CNTLN: variants seen among roughly 807,000 people sequenced by gnomAD.
The protein encoded by CNTLN is centlein, also known as centlein, centrosomal protein.
CNTLN carries 212 observed loss-of-function variants against 180.0 expected under a neutral mutation model. The ratio of observed to expected loss-of-function variants is 1.18; its 90% confidence interval spans 1.05 to 1.32. The LOEUF (loss-of-function observed/expected upper bound fraction) is 1.32, where lower values mean the gene tolerates loss of function less well. CNTLN is among the 40% of genes most tolerant of loss of function. The pLI is 0.00. For missense variants in CNTLN, 2,095 were observed against 1,610.9 expected, an observed-to-expected ratio of 1.30 and a Z score of -5.14; for synonymous variants, 722 against 563.1, an observed-to-expected ratio of 1.28 and a Z score of -3.99.
At chr9:17,487,163 A>G (rs1432147348) in intron 25 of CNTLN, 97 bp downstream of exon 25, 1 of 785,454 alleles carries the variant, frequency 1.3e-6, no homozygotes, top group East Asian at 2.6e-5. Flanking sequence ...ACACTTCCCC[A>G]TTGTTTACTT....
intron 13 of CNTLN, among the ~76,000 whole-genome samples, chr9:17,371,522 C>A (rs7042700): frequency 3.3e-5 from 5 of 152,054 alleles, no homozygotes; most frequent in African/African-American, 4.8e-5. Context: ...ATGATAGCTG[C>A]AGGCTTTAGT....
intron 2 of CNTLN, among the ~76,000 whole-genome samples, chr9:17,178,415 T>C (rs1820874199): frequency 6.6e-6 from 1 of 152,286 alleles, no homozygotes; most frequent in East Asian, 1.9e-4. Context: ...GTGCCCGCAC[T>C]CCTCAGCCCT....
At chr9:17,521,229 T>C in the CNTLN span, among the ~76,000 whole-genome samples, 2 of 143,378 alleles carry the variant, frequency 1.4e-5, no homozygotes, top group African/African-American at 5.2e-5. Context: ...AGGCCCCTTG[T>C]GGTTTAGAAA....
At chr9:17,295,997 A>AGAGAGAGAGTGTGT (rs1342910465) in intron 6 of CNTLN, among the ~76,000 whole-genome samples, 2 of 91,290 alleles carry the variant, frequency 2.2e-5, no homozygotes, top group African/African-American at 1.2e-4. Flanking sequence ...AGAGAGAGAG[A>AGAGAGAGAGTGTGT]GTGTGTGTGT....
At chr9:17,287,862 A>T (rs897559042) in intron 6 of CNTLN, among the ~76,000 whole-genome samples, 86 of 147,634 alleles carry the variant, frequency 5.8e-4, no homozygotes, top group African/African-American at 1.7e-3. Context: ...TATCCCCTTT[A>T]TCATTTTTTA....
At chr9:17,463,405 TTAAAA>T (rs1392351269) in intron 20 of CNTLN, among the ~76,000 whole-genome samples, 2 of 151,608 alleles carry the variant, frequency 1.3e-5, no homozygotes, top group Non-Finnish European at 3.0e-5. Context: ...TTGTTTGTGT[TTAAAA>T]TAACTGGAGG....
At chr9:17,429,662 C>T (rs1372699) in intron 18 of CNTLN, among the ~76,000 whole-genome samples, 116,308 of 151,748 alleles carry the variant, frequency 0.77, 46,214 homozygotes, top group Non-Finnish European at 0.88. Flanking sequence ...AAAAAGAGAC[C>T]GCGTGGGTAA....
intron 23 of CNTLN, among the ~76,000 whole-genome samples, chr9:17,468,518 T>C (rs1047897818): frequency 6.6e-6 from 1 of 151,624 alleles, no homozygotes; most frequent in African/African-American, 2.4e-5. Flanking sequence ...GTGGAGCTTT[T>C]GGCTAAGATA....
At chr9:17,437,588 G>C (rs1829853402) in intron 18 of CNTLN, among the ~76,000 whole-genome samples, 1 of 152,040 alleles carries the variant, frequency 6.6e-6, no homozygotes, top group South Asian at 2.1e-4. Context: ...CTATTTAACT[G>C]TGCATATATT....
At chr9:17,415,116 A>G (rs1828129485) in intron 16 of CNTLN, among the ~76,000 whole-genome samples, 1 of 152,056 alleles carries the variant, frequency 6.6e-6, no homozygotes, top group Admixed American at 6.6e-5. Context: ...TTAAGACCAC[A>G]TGTTTTACTA....
At chr9:17,420,991 C>T (rs1828677457) in intron 18 of CNTLN, among the ~76,000 whole-genome samples, 1 of 152,110 alleles carries the variant, frequency 6.6e-6, no homozygotes, top group South Asian at 2.1e-4. Flanking sequence ...ATGGTCTATT[C>T]TTGAGACTCA....
intron 5 of CNTLN, among the ~76,000 whole-genome samples, chr9:17,248,392 A>G (rs1825931091): frequency 6.6e-6 from 1 of 151,920 alleles, no homozygotes; most frequent in African/African-American, 2.4e-5. Context: ...AGATTTTGAT[A>G]ACTGATTCAG....
chr9:17,332,182 A>G (rs929630849), intron 9 of CNTLN, among the ~76,000 whole-genome samples: 17 of 151,926 alleles, frequency 1.1e-4, no homozygotes, highest in Non-Finnish European at 2.2e-4. Context: ...TGTTCCTTCA[A>G]CTTCACAGTG....
intron 13 of CNTLN, among the ~76,000 whole-genome samples, chr9:17,373,823 A>G (rs1824529394): frequency 6.6e-6 from 1 of 152,168 alleles, no homozygotes; most frequent in African/African-American, 2.4e-5. Context: ...ATACCTCCAT[A>G]TAAACTAATT....
At chr9:17,487,737 C>A (rs1346970055) in intron 25 of CNTLN, among the ~76,000 whole-genome samples, 1 of 152,092 alleles carries the variant, frequency 6.6e-6, no homozygotes, top group Non-Finnish European at 1.5e-5. Flanking sequence ...GTTGAGACTG[C>A]TGCTGTGACC....
chr9:17,308,001 C>T (rs1818846618), intron 7 of CNTLN, among the ~76,000 whole-genome samples: 1 of 151,536 alleles, frequency 6.6e-6, no homozygotes, highest in African/African-American at 2.4e-5. Context: ...CACACACACA[C>T]ACACACACAC....
intron 18 of CNTLN, chr9:17,448,289 T>C (rs1032344097): frequency 6.5e-6 from 1 of 153,238 alleles, no homozygotes; most frequent in Non-Finnish European, 1.5e-5. Context: ...ACGGGCTTCA[T>C]GAGAATTCCA....
intron 12 of CNTLN, among the ~76,000 whole-genome samples, chr9:17,355,802 C>G (rs1398728935): frequency 1.3e-5 from 2 of 152,140 alleles, no homozygotes; most frequent in African/African-American, 4.8e-5. Flanking sequence ...CAGTGGCTCA[C>G]GCCTGTAATC....
At chr9:17,246,933 G>C (rs1825832053) in intron 5 of CNTLN, among the ~76,000 whole-genome samples, 1 of 151,942 alleles carries the variant, frequency 6.6e-6, no homozygotes, top group African/African-American at 2.4e-5. Flanking sequence ...TTGTTCAGGA[G>C]CTAGGTCCTG....
Sources: allele counts gnomAD v4.1 joint callset (sites outside exome capture counted in the v4.1 genomes callset), GRCh38; gene constraint gnomAD v4.1.1; transcripts MANE v1.5; gene names NCBI Gene and HGNC (gene_info 2026-07-23, HGNC 2026-07-21).